The following XPO5 variants were observed in gnomAD, a reference collection of about 807,000 sequenced individuals.
XPO5 encodes exportin 5.
XPO5 carries 46 observed loss-of-function variants against 160.6 expected under a neutral mutation model. That is an observed-to-expected ratio of 0.29 (90% CI 0.23 to 0.37). XPO5 has a LOEUF of 0.37. Among genes scored for constraint, XPO5 ranks in the 10% least tolerant of loss-of-function variants. The pLI is 1.00. For synonymous variants in XPO5, 537 were observed against 519.3 expected, an observed-to-expected ratio of 1.03 and a Z score of -0.46; for missense variants, 1,090 against 1,463.9, an observed-to-expected ratio of 0.74 and a Z score of 4.17.
chr6:43,525,220 C>G lies in XPO5; in HGVS notation c.3067-6G>C. On this transcript the variant is annotated splice_region_variant and splice_polypyrimidine_tract_variant and intron_variant, in intron 28 of 31. Transcript: ENST00000265351. The stretch of plus-strand genomic sequence containing the variant: ...AATAGCGCTGTACAAACATCCTGAA[C>G]AGGAAAAGATGAAGAGTTACAATGG... The G allele has an allele frequency of 6.4e-7, 1 of 1,568,062 alleles. No individual in the cohort carries two copies. The highest frequency in any genetic ancestry group is 2.3e-5 in the East Asian group (1 of 42,730).
chr6:43,546,920 C>T (rs557239157), intron 19 of XPO5, among the ~76,000 whole-genome samples, 168 bp from the exon 20 acceptor site: 2 of 152,214 alleles, frequency 1.3e-5, no homozygotes, highest in South Asian at 4.1e-4. Flanking sequence ...AGGTGAAGTC[C>T]AAGAGGGATC....
At chr6:43,556,960 T>C (rs774707093) in intron 12 of XPO5, among the ~76,000 whole-genome samples, 1 of 151,848 alleles carries the variant, frequency 6.6e-6, no homozygotes, top group Non-Finnish European at 1.5e-5. Flanking sequence ...AAACCCAGTC[T>C]CTACTAAAAA....
At chr6:43,566,583 C>A in intron 7 of XPO5, 1 of 372,358 alleles carries the variant, frequency 2.7e-6, no homozygotes, top group Non-Finnish European at 5.6e-6. Flanking sequence ...CTGAGGAGGG[C>A]AGATCACTTG....
At chr6:43,561,603 T>A (rs1762421383) in intron 9 of XPO5, 1 of 153,108 alleles carries the variant, frequency 6.5e-6, no homozygotes, top group African/African-American at 2.4e-5. Flanking sequence ...AGTCTCAAAC[T>A]CTTGACCTCA....
rs1268370261 is a variant in XPO5, at chr6:43,560,977, T to C, written c.1042A>G (p.Asn348Asp). The C allele has an allele frequency of 1.9e-6, 3 of 1,613,948 alleles. No individual in the cohort carries two copies. Among genetic ancestry groups the C allele is most frequent in the Non-Finnish European group, 2.5e-6 (3 of 1,179,866 alleles). ...AAAGATTCCAGGTATTTTCCAAAGT[T>C]TGATGGTGTTTCTACATCAGAATCT... is the stretch of plus-strand genomic sequence containing the variant. ...GADSDVETPS[N>D]FGKYLESFLA... Residue 348 changes from asparagine (N) to aspartate (D), a missense_variant, in exon 10 of 32, where the codon AAC becomes GAC. Asn to Asp is a conservative substitution (Grantham distance 23, BLOSUM62 1). Transcript: ENST00000265351.
At chr6:43,566,341 C>T (rs1042583957) in intron 7 of XPO5, among the ~76,000 whole-genome samples, 3 of 151,998 alleles carry the variant, frequency 2.0e-5, no homozygotes, top group Non-Finnish European at 2.9e-5. Flanking sequence ...TTGCACTGAG[C>T]TGAGATTGCG....
intron 17 of XPO5, among the ~76,000 whole-genome samples, chr6:43,549,097 C>T (rs1348648431): frequency 1.3e-5 from 2 of 152,188 alleles, no homozygotes; most frequent in African/African-American, 4.8e-5. Context: ...TGGAGTTTCG[C>T]TCGTTGCCCA....
At chr6:43,554,726 G>GAT (rs977933254) in intron 13 of XPO5, among the ~76,000 whole-genome samples, 3 of 151,964 alleles carry the variant, frequency 2.0e-5, no homozygotes, top group Admixed American at 6.6e-5. Flanking sequence ...CCTGGCCTAA[G>GAT]ATTTACCAAT....
chr6:43,547,602 T>A lies in XPO5; in HGVS notation c.2160+6A>T. 6.2e-7 allele frequency: 1 copy of A among 1,613,828 alleles called. No homozygotes were observed. The highest frequency in any genetic ancestry group is 8.5e-7 in the Non-Finnish European group (1 of 1,179,756). ...ATGCCACTTCCCATTCCCAGGAAAGTCTTACTCGTGCACGGTTTAAGCCAC... is the reference window on the plus strand; with the variant it reads ...ATGCCACTTCCCATTCCCAGGAAAGACTTACTCGTGCACGGTTTAAGCCAC... On this transcript the variant is annotated splice_donor_region_variant and intron_variant, in intron 19 of 31. Transcript: ENST00000265351.
chr6:43,568,646 G>A, intron 6 of XPO5, 65 bp downstream of exon 6: 1 of 1,383,404 alleles, frequency 7.2e-7, no homozygotes, highest in Non-Finnish European at 9.8e-7. Context: ...CCATCCACTA[G>A]GGGCACGTAT....
intron 9 of XPO5, chr6:43,561,602 C>G (rs1171938053): frequency 6.5e-6 from 1 of 153,160 alleles, no homozygotes; most frequent in Admixed American, 6.5e-5. Flanking sequence ...TAGTCTCAAA[C>G]TCTTGACCTC....
intron 20 of XPO5, among the ~76,000 whole-genome samples, chr6:43,536,054 G>T (rs1794301656): frequency 6.6e-6 from 1 of 151,012 alleles, no homozygotes; most frequent in African/African-American, 2.4e-5. Context: ...ATCCAGGTGA[G>T]CCAAGATCGT....
At chr6:43,535,470 A>G (rs1794257746) in intron 20 of XPO5, among the ~76,000 whole-genome samples, 1 of 152,034 alleles carries the variant, frequency 6.6e-6, no homozygotes, top group Non-Finnish European at 1.5e-5. Flanking sequence ...GGTGCCGGGC[A>G]TGGTAGCTAC....
intron 11 of XPO5, chr6:43,558,806 G>A: frequency 4.5e-6 from 2 of 443,720 alleles, no homozygotes; most frequent in Non-Finnish European, 7.9e-6. Flanking sequence ...ACTTTTAGTT[G>A]ATACCATCCT....
At chr6:43,536,480 C>T (rs1020731451) in intron 20 of XPO5, among the ~76,000 whole-genome samples, 8 of 151,214 alleles carry the variant, frequency 5.3e-5, no homozygotes, top group Non-Finnish European at 8.8e-5. Flanking sequence ...TTACTTTGGC[C>T]AGATGCGGTG....
At chr6:43,565,181 C>T (rs1202974711) in intron 8 of XPO5, among the ~76,000 whole-genome samples, 3 of 152,118 alleles carry the variant, frequency 2.0e-5, no homozygotes, top group Non-Finnish European at 4.4e-5. Context: ...CTTGGACTCC[C>T]AAAGTGCTGG....
At chr6:43,527,247 C>T (rs1793653311) in intron 26 of XPO5, 1 of 201,204 alleles carries the variant, frequency 5.0e-6, no homozygotes, top group African/African-American at 2.3e-5. Context: ...CTAGTTATTT[C>T]TTTTGGATCT....
rs1489008165 is a variant in XPO5 at position 43,530,972 on chromosome 6, G to T, written c.2541-148C>A. 1.8e-4 allele frequency: 189 copies of T among 1,058,692 alleles called. 2 individuals are homozygous for T. Among genetic ancestry groups the T allele is most frequent in the Non-Finnish European group, 2.2e-4 (171 of 761,608 alleles). 65.6% of individuals were successfully genotyped at this position (1,058,692 alleles called of 1,614,324 possible). ...TTACTTAAGAGAACTTATAGATACA[G>T]CATCTTTTTAAAGACAGATGTTGGT... On this transcript the variant is annotated intron_variant, in intron 22 of 31. Coordinates refer to ENST00000265351, the MANE Select transcript of XPO5 (RefSeq NM_020750.3).
Position 43,523,765 on chromosome 6 carries a change from T to TGGTGGAAAGTGA in XPO5, c.*91_*102dup. ...CCTGGATCTCTTTCCAGGCTGACAG[T>TGGTGGAAAGTGA]GGTGGAAAGTGAGGTGGCAGTGCAA... On this transcript the variant is annotated 3_prime_UTR_variant, in exon 32 of 32. Transcript: ENST00000265351. 2 of 1,569,134 alleles carry TGGTGGAAAGTGA rather than the reference T, an allele frequency of 1.3e-6. No homozygotes were observed. The highest frequency in any genetic ancestry group is 2.2e-5 in the South Asian group (2 of 89,596).
Sources: allele counts gnomAD v4.1 joint callset (sites outside exome capture counted in the v4.1 genomes callset), GRCh38; gene constraint gnomAD v4.1.1; transcripts MANE v1.5; gene names NCBI Gene and HGNC (gene_info 2026-07-23, HGNC 2026-07-21).